The following GRIN2A variants were observed in gnomAD, a reference collection of about 807,000 sequenced individuals.
GRIN2A encodes glutamate receptor ionotropic, NMDA 2A.
GRIN2A carries 22 observed loss-of-function variants against 113.4 expected under a neutral mutation model. The observed-to-expected ratio is 0.19, with a 90% confidence interval of 0.14 to 0.28. The LOEUF is 0.28. Among genes scored for constraint, GRIN2A ranks in the 10% least tolerant of loss-of-function variants. GRIN2A has a pLI of 1.00. For missense variants in GRIN2A, 1,502 were observed against 1,887.0 expected (o/e 0.80, Z 3.78); for synonymous variants, 827 against 738.4 (o/e 1.12, Z -1.94).
chr16:10,089,312 G>A (rs983785161), intron 2 of GRIN2A, among the ~76,000 whole-genome samples: 5 of 152,162 alleles, frequency 3.3e-5, no homozygotes, highest in African/African-American at 1.2e-4. Context: ...TTTTGGTGAT[G>A]GTATCACAGA....
intron 2 of GRIN2A, among the ~76,000 whole-genome samples, chr16:10,005,330 C>T (rs1265044786): frequency 6.6e-6 from 1 of 152,212 alleles, no homozygotes; most frequent in Non-Finnish European, 1.5e-5. Flanking sequence ...TTCTCTCAGA[C>T]AACTGCTGTT....
chr16:10,122,888 G>A (rs1356591234), intron 2 of GRIN2A, among the ~76,000 whole-genome samples: 1 of 152,086 alleles, frequency 6.6e-6, no homozygotes, highest in Admixed American at 6.5e-5. Flanking sequence ...TAAAGCCCAC[G>A]TGGACATTTC....
intron 5 of GRIN2A, among the ~76,000 whole-genome samples, chr16:9,846,317 G>A (rs943120497): frequency 6.6e-5 from 10 of 152,240 alleles, no homozygotes; most frequent in Middle Eastern, 3.4e-3. Flanking sequence ...TTTAGGAGGG[G>A]CATATTTATT....
chr16:10,174,473 T>C (rs1650420), intron 2 of GRIN2A, among the ~76,000 whole-genome samples: 88,611 of 152,058 alleles, frequency 0.58, 26,453 homozygotes, highest in Non-Finnish European at 0.65. Flanking sequence ...AACTAACTGA[T>C]TCTACAAATG....
At chr16:9,880,515 G>A (rs1487763424) in intron 4 of GRIN2A, among the ~76,000 whole-genome samples, 1 of 152,182 alleles carries the variant, frequency 6.6e-6, no homozygotes, top group Non-Finnish European at 1.5e-5. Flanking sequence ...GTAATTCAAA[G>A]TCAACTGAGA....
chr16:9,802,795 T>C (rs1903445995), intron 10 of GRIN2A, among the ~76,000 whole-genome samples: 1 of 152,132 alleles, frequency 6.6e-6, no homozygotes, highest in Non-Finnish European at 1.5e-5. Context: ...GAAATATGTT[T>C]AGTGCAAATG....
chr16:9,983,638 A>G (rs1339885668), intron 2 of GRIN2A, among the ~76,000 whole-genome samples: 1 of 152,076 alleles, frequency 6.6e-6, no homozygotes, highest in Non-Finnish European at 1.5e-5. Context: ...ACGGAGTTTC[A>G]CTGCGTTAGC....
chr16:9,833,593 G>C (rs2042535096), intron 8 of GRIN2A, among the ~76,000 whole-genome samples: 1 of 152,174 alleles, frequency 6.6e-6, no homozygotes, highest in African/African-American at 2.4e-5. Flanking sequence ...TTCAGGTTAT[G>C]ACAAGATTAA....
chr16:9,774,910 A>G (rs550481907), intron 11 of GRIN2A, among the ~76,000 whole-genome samples: 2 of 152,210 alleles, frequency 1.3e-5, no homozygotes, highest in Non-Finnish European at 2.9e-5. Context: ...TATGATTCCA[A>G]GAACGCAAGT....
chr16:9,776,061 C>T (rs1319753023), intron 11 of GRIN2A, among the ~76,000 whole-genome samples: 1 of 152,192 alleles, frequency 6.6e-6, no homozygotes, highest in African/African-American at 2.4e-5. Flanking sequence ...AACGCACTTA[C>T]AAGAAACTGC....
At chr16:10,153,850 C>T (rs2049633959) in intron 2 of GRIN2A, among the ~76,000 whole-genome samples, 1 of 152,186 alleles carries the variant, frequency 6.6e-6, no homozygotes, top group Non-Finnish European at 1.5e-5. Flanking sequence ...ACAAACACTG[C>T]CTGGTCACCT....
chr16:9,905,327 TCCATTTCTACTTG>T (rs2044005422), intron 3 of GRIN2A, among the ~76,000 whole-genome samples: 1 of 152,216 alleles, frequency 6.6e-6, no homozygotes. Flanking sequence ...CTTCCATTAC[TCCATTTCTACTTG>T]CTTTTTTCAG....
intron 2 of GRIN2A, 60 bp from the exon 3 acceptor site, chr16:9,938,611 C>G: frequency 8.6e-7 from 1 of 1,166,514 alleles, no homozygotes; most frequent in Non-Finnish European, 1.3e-6. Context: ...TATAGAAGCA[C>G]AAACTGCGTC....
chr16:9,916,254 T>C (rs2044247395), intron 3 of GRIN2A, among the ~76,000 whole-genome samples: 1 of 151,980 alleles, frequency 6.6e-6, no homozygotes, highest in African/African-American at 2.4e-5. Flanking sequence ...ATTAGGAGGG[T>C]AATAAAGCAA....
At chr16:9,904,679 C>T (rs2043994382) in intron 3 of GRIN2A, among the ~76,000 whole-genome samples, 1 of 152,138 alleles carries the variant, frequency 6.6e-6, no homozygotes, top group South Asian at 2.1e-4. Context: ...GGCTCTTCCT[C>T]TTTTTATAAG....
chr16:9,888,104 C>T (rs1284426882), intron 4 of GRIN2A, among the ~76,000 whole-genome samples: 1 of 152,132 alleles, frequency 6.6e-6, no homozygotes, highest in African/African-American at 2.4e-5. Context: ...CCATGCCCAG[C>T]TAATTTTTGT....
intron 2 of GRIN2A, among the ~76,000 whole-genome samples, chr16:10,092,613 T>G (rs920631750): frequency 2.0e-5 from 3 of 152,244 alleles, no homozygotes; most frequent in Non-Finnish European, 1.5e-5. Flanking sequence ...TAAAATATAT[T>G]AACTAATTTA....
chr16:9,942,067 G>T (rs946786636), intron 2 of GRIN2A, among the ~76,000 whole-genome samples: 2 of 152,152 alleles, frequency 1.3e-5, no homozygotes, highest in African/African-American at 4.8e-5. Flanking sequence ...TGCCCATCAA[G>T]TATGAAGTAT....
chr16:10,036,909 C>G (rs1399148278), intron 2 of GRIN2A: 2 of 152,190 alleles, frequency 1.3e-5, no homozygotes, highest in African/African-American at 2.4e-5. Context: ...TAAAGACCCT[C>G]TCTCCAAATA....
Sources: allele counts gnomAD v4.1 joint callset (sites outside exome capture counted in the v4.1 genomes callset), GRCh38; gene constraint gnomAD v4.1.1; transcripts MANE v1.5; gene names NCBI Gene and HGNC (gene_info 2026-07-23, HGNC 2026-07-21).